The following XRCC4 variants were observed in gnomAD, a reference collection of about 807,000 sequenced individuals.
XRCC4 encodes the protein X-ray repair cross complementing 4, also known as DNA repair protein XRCC4.
A neutral mutation model predicts 39.1 loss-of-function variants in XRCC4; 28 were observed. That is an observed-to-expected ratio of 0.72 (90% CI 0.53 to 0.98). The LOEUF (loss-of-function observed/expected upper bound fraction) is 0.98. XRCC4 is among the 50% of genes least tolerant of loss of function. The pLI is 0.00. For synonymous variants in XRCC4, 123 were observed against 126.4 expected, an observed-to-expected ratio of 0.97 and a Z score of 0.18; for missense variants, 350 against 376.4, an observed-to-expected ratio of 0.93 and a Z score of 0.58.
intron 7 of XRCC4, among the ~76,000 whole-genome samples, chr5:83,296,506 C>T (rs1301730965): frequency 2.0e-5 from 3 of 152,072 alleles, no homozygotes; most frequent in African/African-American, 7.2e-5. Flanking sequence ...ATCATTTACA[C>T]TAGCCAGATG....
At chr5:83,219,790 T>C (rs1489954805) in intron 6 of XRCC4, among the ~76,000 whole-genome samples, 1 of 152,202 alleles carries the variant, frequency 6.6e-6, no homozygotes, top group Non-Finnish European at 1.5e-5. Context: ...ATATTATACG[T>C]TGAAATTGTA....
chr5:83,304,999 A>C (rs1405594751), intron 7 of XRCC4, among the ~76,000 whole-genome samples: 2 of 152,194 alleles, frequency 1.3e-5, no homozygotes, highest in Non-Finnish European at 2.9e-5. Flanking sequence ...TACCTGAGCA[A>C]GGTCTCCCAG....
At chr5:83,337,514 C>T (rs1213077671) in intron 7 of XRCC4, among the ~76,000 whole-genome samples, 2 of 152,122 alleles carry the variant, frequency 1.3e-5, no homozygotes, top group Non-Finnish European at 1.5e-5. Context: ...CACCAGTGTA[C>T]GCTCTCCAGT....
At chr5:83,186,810 T>G (rs1380309862) in intron 3 of XRCC4, among the ~76,000 whole-genome samples, 2 of 152,202 alleles carry the variant, frequency 1.3e-5, no homozygotes, top group Non-Finnish European at 2.9e-5. Flanking sequence ...AAGTTCAATA[T>G]AGGTCTCACC....
rs28360254 is a variant in XRCC4 at position 83,268,438 on chromosome 5, T to A, written c.893+9761T>A. Among the ~76,000 whole-genome samples, 202 of 152,330 alleles carry A rather than the reference T, an allele frequency of 1.3e-3. 2 individuals are homozygous for A. In the East Asian group the frequency reaches 0.024, roughly 18 times the overall value. On this transcript the variant is annotated intron_variant, in intron 7 of 7. Coordinates refer to ENST00000396027, the MANE Select transcript of XRCC4 (RefSeq NM_003401.5). ...ATCTACTCAAATATATATATTGTGA[T>A]GCATTGATATTATATCATTTTACAT... is the stretch of plus-strand genomic sequence containing the variant.
chr5:83,340,328 T>C (rs945504029), intron 7 of XRCC4, among the ~76,000 whole-genome samples: 2 of 152,152 alleles, frequency 1.3e-5, no homozygotes, highest in South Asian at 2.1e-4. Context: ...TCTTAATTCC[T>C]GGAACCTGAG....
intron 6 of XRCC4, among the ~76,000 whole-genome samples, chr5:83,217,884 A>G (rs553808984): frequency 1.3e-5 from 2 of 152,168 alleles, no homozygotes; most frequent in Admixed American, 1.3e-4. Flanking sequence ...ACTTGGTTGC[A>G]TTTTTGCTGT....
chr5:83,232,514 C>G (rs899427789), intron 6 of XRCC4, among the ~76,000 whole-genome samples: 1 of 152,008 alleles, frequency 6.6e-6, no homozygotes, highest in African/African-American at 2.4e-5. Context: ...AGAGCAGGAG[C>G]ATAGCTGTCT....
intron 3 of XRCC4, among the ~76,000 whole-genome samples, chr5:83,175,645 G>A (rs954012809): frequency 3.3e-5 from 5 of 151,800 alleles, no homozygotes; most frequent in Non-Finnish European, 7.4e-5. Context: ...TTCTTGGTCT[G>A]TCGCCCACAC....
chr5:83,157,340 A>G (rs1311853085), intron 3 of XRCC4, among the ~76,000 whole-genome samples: 1 of 152,062 alleles, frequency 6.6e-6, no homozygotes, highest in Non-Finnish European at 1.5e-5. Context: ...GATGCCTGAA[A>G]AGTTACTTCA....
intron 3 of XRCC4, among the ~76,000 whole-genome samples, chr5:83,141,219 G>A (rs1748157436): frequency 6.6e-6 from 1 of 152,132 alleles, no homozygotes; most frequent in African/African-American, 2.4e-5. Context: ...CAATGTATGG[G>A]TATTTGAGTT....
chr5:83,154,190 T>G (rs1350402548), intron 3 of XRCC4, among the ~76,000 whole-genome samples: 2 of 152,208 alleles, frequency 1.3e-5, no homozygotes, highest in Non-Finnish European at 2.9e-5. Flanking sequence ...TTGGTTTTAT[T>G]TTTTATCCTA....
chr5:83,196,104 GAATACATT>G (rs1192890397), intron 4 of XRCC4, among the ~76,000 whole-genome samples, 168 bp downstream of exon 4: 3 of 151,846 alleles, frequency 2.0e-5, no homozygotes, highest in African/African-American at 7.3e-5. Context: ...TATATTATAG[GAATACATT>G]AATACATTAT....
chr5:83,363,769 C>G, the XRCC4 span, among the ~76,000 whole-genome samples: 4 of 152,150 alleles, frequency 2.6e-5, no homozygotes, highest in African/African-American at 9.7e-5. Flanking sequence ...TGTTTTTAAG[C>G]CTCTTGTGGA....
intron 3 of XRCC4, among the ~76,000 whole-genome samples, chr5:83,154,309 A>G (rs186941939): frequency 3.3e-5 from 5 of 152,352 alleles, no homozygotes; most frequent in Non-Finnish European, 5.9e-5. Flanking sequence ...CCAGTTGAGC[A>G]TTTCAAAGAC....
intron 7 of XRCC4, among the ~76,000 whole-genome samples, chr5:83,287,493 A>G (rs1212553036): frequency 1.3e-5 from 2 of 152,048 alleles, no homozygotes; most frequent in Admixed American, 1.3e-4. Context: ...TTTATAATTT[A>G]CAATAGTTTT....
chr5:83,126,353 T>G (rs1332288387), intron 3 of XRCC4, among the ~76,000 whole-genome samples: 1 of 152,184 alleles, frequency 6.6e-6, no homozygotes, highest in Non-Finnish European at 1.5e-5. Context: ...ACTGACTTCT[T>G]TTGTGTTAAC....
chr5:83,091,728 T>G (rs186981348), intron 1 of XRCC4, among the ~76,000 whole-genome samples: 138 of 152,342 alleles, frequency 9.1e-4, no homozygotes, highest in African/African-American at 3.1e-3. Flanking sequence ...AGTGTTCCAT[T>G]GTGTGTAGAT....
intron 7 of XRCC4, among the ~76,000 whole-genome samples, chr5:83,308,634 G>T (rs1196674315): frequency 6.6e-6 from 1 of 151,876 alleles, no homozygotes; most frequent in Non-Finnish European, 1.5e-5. Context: ...GTAATATTTG[G>T]CATGTGTTTT....
Sources: allele counts gnomAD v4.1 joint callset (sites outside exome capture counted in the v4.1 genomes callset), GRCh38; gene constraint gnomAD v4.1.1; transcripts MANE v1.5; gene names NCBI Gene and HGNC (gene_info 2026-07-23, HGNC 2026-07-21).